Variants in TNRC18 observed in about 807,000 individuals in gnomAD.
TNRC18 encodes the protein trinucleotide repeat-containing gene 18 protein.
Under a neutral mutation model 226.7 loss-of-function variants are expected in TNRC18, and 69 were observed. The ratio of observed to expected loss-of-function variants is 0.30; its 90% CI spans 0.25 to 0.37. The LOEUF (loss-of-function observed/expected upper bound fraction) is 0.37, where lower values mean the gene tolerates loss of function less well. TNRC18 is among the 10% of genes least tolerant of loss of function. The pLI is 1.00. For missense variants in TNRC18, 4,754 were observed against 4,256.6 expected (o/e 1.12, Z -3.25); for synonymous variants, 2,449 against 1,927.6 (o/e 1.27, Z -7.09).
In TNRC18 at chr7:5,342,797, C is replaced by T. The variant is rs143741637; in HGVS notation, c.5719+2765G>A. 2.6e-3 allele frequency among the ~76,000 whole-genome samples: 392 copies of T among 152,252 alleles called. 3 individuals are homozygous for T. The highest frequency in any genetic ancestry group is 9.2e-3 in the African/African-American group (381 of 41,536). On this transcript the variant is annotated intron_variant, in intron 18 of 29. Coordinates refer to ENST00000430969, the MANE Select transcript of TNRC18 (RefSeq NM_001080495.3). The stretch of plus-strand genomic sequence containing the variant: ...GTTGAAAGAAGTTCTATAGGTAAAA[C>T]GCTATCACAGTATTGCATGTTACAG...
chr7:5,360,995 A>AG (rs1792981210), intron 14 of TNRC18, among the ~76,000 whole-genome samples: 2 of 151,962 alleles, frequency 1.3e-5, no homozygotes, highest in Non-Finnish European at 2.9e-5. Context: ...CCCCTTTCCG[A>AG]TCGTGCTACA....
At position 5,361,719 on chromosome 7, in the gene TNRC18, G is replaced by T; in HGVS notation, c.4536C>A (p.Asp1512Glu). The T allele has an allele frequency of 6.4e-7, 1 of 1,564,648 alleles. No homozygotes were observed. Among genetic ancestry groups the T allele is most frequent in the Non-Finnish European group, 8.7e-7 (1 of 1,155,440 alleles). ...VKLQRRRDSE[D>E]RREEPHRSLA... ...AGCTTCTATGGGGTTCCTCGCGCCTGTCCCTTAAAAAGAATCACACGCTTG... is the reference window on the plus strand; with the variant it reads ...AGCTTCTATGGGGTTCCTCGCGCCTTTCCCTTAAAAAGAATCACACGCTTG... The change falls in exon 14 of 30, where the codon GAC becomes GAA. Residue 1512 changes from aspartate (D) to glutamate (E), a missense_variant. Coordinates refer to ENST00000430969, the MANE Select transcript of TNRC18 (RefSeq NM_001080495.3).
chr7:5,324,254 G>A lies in TNRC18; in HGVS notation c.6402C>T (p.His2134=). The change falls in exon 21 of 30, where the codon CAC becomes CAT. Residue 2134 remains histidine (H), a synonymous_variant. Transcript: ENST00000430969. The surrounding 1 kb of genome is among the most constrained non-coding windows in gnomAD (Gnocchi z 4.8). The part of the protein sequence containing the change: ...NQDSSFSEDE[H]LPRGGAVERP... ...GCTCCACAGCCCCGCCACGCGGCAG[G>A]TGCTCGTCCTCAGAGAAGCTCGAGT... 1 of 1,612,190 alleles carries A rather than the reference G, an allele frequency of 6.2e-7. No individual in the cohort carries two copies. The highest frequency in any genetic ancestry group is 8.5e-7 in the Non-Finnish European group (1 of 1,179,488).
chr7:5,351,054 AC>A (rs1791750842), intron 17 of TNRC18, among the ~76,000 whole-genome samples: 1 of 152,214 alleles, frequency 6.6e-6, no homozygotes, highest in South Asian at 2.1e-4. Flanking sequence ...AACTAAAAAA[AC>A]ATGATGATGC....
In TNRC18 at chr7:5,368,051, G is replaced by GAAGA. The variant is rs1554288282; in HGVS notation, c.4219+2323_4219+2324insTCTT. 1.7e-4 allele frequency among the ~76,000 whole-genome samples: 25 copies of GAAGA among 146,476 alleles called. No individual in the cohort carries two copies. In the East Asian group the frequency reaches 4.7e-3, roughly 28 times the overall value. On this transcript the variant is annotated intron_variant, in intron 11 of 29. Coordinates refer to ENST00000430969, the MANE Select transcript of TNRC18 (RefSeq NM_001080495.3). ...TAACCATCATGTTATTTGCAACGGA[G>GAAGA]AAAAAAAAAAAACAACTTTGTTTTA... is the stretch of plus-strand genomic sequence containing the variant.
chr7:5,403,380 G>A (rs1023712899), intron 2 of TNRC18, among the ~76,000 whole-genome samples: 8 of 152,046 alleles, frequency 5.3e-5, no homozygotes, highest in Admixed American at 1.3e-4. Context: ...GGCTGGTCTC[G>A]AACTCTCGAC....
chr7:5,309,475 AC>A lies in TNRC18; in HGVS notation c.8389-108del. ...CTCTGGGCCCTCGGCCTCTAAATCAACCCCTATCCAACTGTGGGGAGATGAG... is the reference window on the plus strand; with the variant it reads ...CTCTGGGCCCTCGGCCTCTAAATCAACCCTATCCAACTGTGGGGAGATGAG... On this transcript the variant is annotated intron_variant, in intron 27 of 29. Coordinates refer to ENST00000430969, the MANE Select transcript of TNRC18 (RefSeq NM_001080495.3). This position sits in a 1 kb window ranked among gnomAD's most constrained non-coding sequence, Gnocchi z 5.7. 1 of 902,696 alleles carries A rather than the reference AC, an allele frequency of 1.1e-6. No homozygotes were observed. Among genetic ancestry groups the A allele is most frequent in the Non-Finnish European group, 1.7e-6 (1 of 596,322 alleles). 55.9% of individuals were successfully genotyped at this position (902,696 alleles called of 1,614,324 possible).
intron 11 of TNRC18, 70 bp downstream of exon 11, chr7:5,370,305 A>G: frequency 6.8e-7 from 1 of 1,473,788 alleles, no homozygotes; most frequent in East Asian, 2.5e-5. Flanking sequence ...CCTGGGCAAC[A>G]CAGCAAGACC....
chr7:5,400,087 A>T, intron 2 of TNRC18, among the ~76,000 whole-genome samples: 1 of 151,930 alleles, frequency 6.6e-6, no homozygotes, highest in Non-Finnish European at 1.5e-5. Flanking sequence ...TAGAGTCAGG[A>T]TCTCACTATG....
Position 5,377,316 on chromosome 7 carries a change from G to GCCCCC in TNRC18, c.2461+50_2461+54dup. 149 of 453,192 alleles carry GCCCCC rather than the reference G, an allele frequency of 3.3e-4. No homozygotes were observed. The highest frequency in any genetic ancestry group is 6.1e-4 in the East Asian group (10 of 16,390). The allele number at this position is 453,192 out of a possible 1,614,324, so 28.1% of individuals were successfully genotyped here. On this transcript the variant is annotated intron_variant, in intron 7 of 29. Coordinates refer to ENST00000430969, the MANE Select transcript of TNRC18 (RefSeq NM_001080495.3). This position sits in a 1 kb window ranked among gnomAD's most constrained non-coding sequence, Gnocchi z 5.8. ...AGCCCTGAGCTCTTGTCCTGCACCC[G>GCCCCC]CCCCCTCCCACCCCTCCCTCAGAGA...
At position 5,374,486 on chromosome 7, in the gene TNRC18, T is replaced by C; in HGVS notation, c.2800-2A>G. 1 of 1,545,582 alleles carries C rather than the reference T, an allele frequency of 6.5e-7. No homozygotes were observed. The highest frequency in any genetic ancestry group is 2.5e-5 in the East Asian group (1 of 40,274). On this transcript the variant is annotated splice_acceptor_variant, in intron 9 of 29. Transcript: ENST00000430969. LOFTEE classifies it high-confidence loss of function. ...CTCCTGCGCCTTCAACCGCTCCTGC[T>C]GGGAAGGGGCCGGCAGGCAGGGTCA...
chr7:5,419,475 ACAC>A lies in TNRC18; in HGVS notation c.187+1582_187+1584del, dbSNP rs1303043095. Among the ~76,000 whole-genome samples, 5 of 152,066 alleles carry A rather than the reference ACAC, an allele frequency of 3.3e-5. No individual in the cohort carries two copies. The East Asian group carries it at 9.7e-4, about 29-fold the overall frequency. The stretch of plus-strand genomic sequence containing the variant: ...AAAAGACACACGCATGCACACACAC[ACAC>A]ATCACGGTGGACTTGTGGGGAGCGC... On this transcript the variant is annotated intron_variant, in intron 2 of 29. Transcript: ENST00000430969.
chr7:5,308,121 C>T lies in TNRC18; in HGVS notation c.8892G>A (p.Val2964=). 2 of 1,552,640 alleles carry T rather than the reference C, an allele frequency of 1.3e-6. No homozygotes were observed. Among genetic ancestry groups the T allele is most frequent in the Non-Finnish European group, 1.7e-6 (2 of 1,148,892 alleles). The part of the protein sequence containing the change: ...TTGMIFSTDG[V]PVLC Reference sequence around the variant, plus strand: ...CCCGGCGGGCTCAGCAGAGCACGGGCACGCCGTCCGTGGAGAAGATCATGC... The same window carrying T: ...CCCGGCGGGCTCAGCAGAGCACGGGTACGCCGTCCGTGGAGAAGATCATGC... The change falls in exon 30 of 30, where the codon GTG becomes GTA. Residue 2964 remains valine (V), a synonymous_variant. Coordinates refer to ENST00000430969, the MANE Select transcript of TNRC18 (RefSeq NM_001080495.3).
Position 5,388,310 on chromosome 7 carries a change from C to A in TNRC18, c.1514G>T (p.Gly505Val), listed in dbSNP as rs777250442. Residue 505 changes from glycine (G) to valine (V), a missense_variant, in exon 5 of 30, where the codon GGC (glycine) becomes GTC (valine). Transcript: ENST00000430969. Reference sequence around the variant, plus strand: ...GAAGGGTTTCCATTTATGCTCAGGGCCGGTGGGCGGGGGGCGCCCGGGCTC... The same window carrying A: ...GAAGGGTTTCCATTTATGCTCAGGGACGGTGGGCGGGGGGCGCCCGGGCTC... The part of the protein sequence containing the change: ...GLEPGRPPPT[G>V]PEHKWKPFEL... 5.2e-6 allele frequency: 8 copies of A among 1,524,718 alleles called. No homozygotes were observed. Among genetic ancestry groups the A allele is most frequent in the East Asian group, 2.5e-5 (1 of 39,902 alleles). The allele number at this position is 1,524,718 out of a possible 1,614,324, so 94.4% of individuals were successfully genotyped here.
At chr7:5,358,758 G>C (rs1015479524) in intron 15 of TNRC18, among the ~76,000 whole-genome samples, 2 of 152,198 alleles carry the variant, frequency 1.3e-5, no homozygotes, top group African/African-American at 4.8e-5. Flanking sequence ...ATGTTGCAGT[G>C]AGCCGAGATC....
chr7:5,359,827 TCACA>T (rs35120436), intron 14 of TNRC18, among the ~76,000 whole-genome samples: 11 of 151,280 alleles, frequency 7.3e-5, no homozygotes, highest in South Asian at 2.1e-4. Context: ...ACGCGTACAC[TCACA>T]CACACACACA....
chr7:5,335,666 C>T (rs1790028860), intron 18 of TNRC18, among the ~76,000 whole-genome samples: 2 of 151,416 alleles, frequency 1.3e-5, no homozygotes, highest in South Asian at 4.2e-4. Context: ...CTCTCTCTCC[C>T]CAGTGTCTCT....
In TNRC18 at chr7:5,389,347, G is replaced by T; in HGVS notation, c.488-11C>A. On this transcript the variant is annotated splice_polypyrimidine_tract_variant and intron_variant, in intron 4 of 29. Coordinates refer to ENST00000430969, the MANE Select transcript of TNRC18 (RefSeq NM_001080495.3). ...GCAGGTAGAAACCGTCTGCGGAGAA[G>T]GGAACAGCAGGCAGTGAGCGAGCGC... The T allele has an allele frequency of 7.9e-7, 1 of 1,265,336 alleles. No individual in the cohort carries two copies. The highest frequency in any genetic ancestry group is 9.9e-7 in the Non-Finnish European group (1 of 1,006,242). 78.4% of individuals were successfully genotyped at this position (1,265,336 alleles called of 1,614,324 possible).
Position 5,394,643 on chromosome 7 carries a change from G to A in TNRC18, c.188-48C>T, listed in dbSNP as rs539782913. 1.6e-5 allele frequency: 24 copies of A among 1,468,204 alleles called. No homozygotes were observed. Among genetic ancestry groups the A allele is most frequent in the African/African-American group, 1.4e-4 (10 of 69,776 alleles). The allele number at this position is 1,468,204 out of a possible 1,614,324, so 90.9% of individuals were successfully genotyped here. On this transcript the variant is annotated intron_variant, in intron 2 of 29. Coordinates refer to ENST00000430969, the MANE Select transcript of TNRC18 (RefSeq NM_001080495.3). The surrounding 1 kb of genome is among the most constrained non-coding windows in gnomAD (Gnocchi z 4.5). ...CCGTCAGGCAGACAACCAGGGAGGC[G>A]CCGCCGCCCCAGCCCACCGCCCCGA...
Sources: gnomAD v4.1 joint callset for allele counts (sites outside exome capture counted in the v4.1 genomes callset) on GRCh38, gnomAD v4.1.1 for gene constraint, Gnocchi (gnomAD v3.1) non-coding constraint, MANE v1.5 for transcripts, NCBI Gene and HGNC (gene_info 2026-07-23, HGNC 2026-07-21) for gene names.